The following ANK2 variants were observed in gnomAD, a reference collection of about 807,000 sequenced individuals.
ANK2 encodes ankyrin-2.
Under a neutral mutation model 360.5 loss-of-function variants are expected in ANK2, and 83 were observed. That is an observed-to-expected ratio of 0.23 (90% CI 0.19 to 0.28). The LOEUF is 0.28. Ranked by LOEUF, ANK2 falls within the 10% of genes least tolerant of loss-of-function variation. The pLI is 1.00. For missense variants in ANK2, 4,201 were observed against 4,795.7 expected, an observed-to-expected ratio of 0.88 and a Z score of 3.66; for synonymous variants, 1,740 against 1,759.5, an observed-to-expected ratio of 0.99 and a Z score of 0.28.
chr4:113,231,790 G>A (rs1229435747), intron 4 of ANK2, among the ~76,000 whole-genome samples: 1 of 151,852 alleles, frequency 6.6e-6, no homozygotes, highest in Non-Finnish European at 1.5e-5. Flanking sequence ...TTTTAGTAGA[G>A]ATGCGGTTTC....
chr4:113,362,726 C>G (rs1288935784), intron 39 of ANK2, among the ~76,000 whole-genome samples: 1 of 152,306 alleles, frequency 6.6e-6, no homozygotes, highest in East Asian at 1.9e-4. Context: ...TCTAGGATTA[C>G]AGGCATGAGC....
At chr4:113,261,479 G>A (rs1458167432) in intron 13 of ANK2, among the ~76,000 whole-genome samples, 2 of 152,006 alleles carry the variant, frequency 1.3e-5, no homozygotes, top group African/African-American at 2.4e-5. Context: ...AGAAAGACAA[G>A]GCTATTAAAT....
chr4:113,154,414 G>A (rs1314067890), intron 1 of ANK2, among the ~76,000 whole-genome samples: 2 of 152,160 alleles, frequency 1.3e-5, no homozygotes, highest in Non-Finnish European at 2.9e-5. Flanking sequence ...TGAGCAGTCA[G>A]CTTGAACAGC....
At chr4:113,210,816 T>C (rs1373074952) in intron 4 of ANK2, among the ~76,000 whole-genome samples, 1 of 152,236 alleles carries the variant, frequency 6.6e-6, no homozygotes. Flanking sequence ...AAGGCTATTA[T>C]ACTACCTTTG....
At chr4:113,063,250 T>C (rs2074279749) in intron 1 of ANK2, among the ~76,000 whole-genome samples, 1 of 152,146 alleles carries the variant, frequency 6.6e-6, no homozygotes. Flanking sequence ...CATTTGGTTA[T>C]CATTTATTAA....
intron 15 of ANK2, 144 bp from the exon 16 acceptor site, chr4:113,277,693 T>C (rs1004794928): frequency 3.0e-6 from 2 of 670,388 alleles, no homozygotes; most frequent in Non-Finnish European, 5.3e-6. Flanking sequence ...TTTGTCCTTG[T>C]TCATGGCTAA....
chr4:113,268,101 G>A (rs865918020), intron 14 of ANK2, among the ~76,000 whole-genome samples: 1 of 152,118 alleles, frequency 6.6e-6, no homozygotes, highest in African/African-American at 2.4e-5. Flanking sequence ...CCTGGATGTT[G>A]TATCCTGAGA....
chr4:113,031,959 A>G (rs755785496), intron 2 of ANK2, among the ~76,000 whole-genome samples: 14 of 152,024 alleles, frequency 9.2e-5, no homozygotes, highest in Admixed American at 3.9e-4. Context: ...TCAGGTAATC[A>G]TAATTAGATG....
chr4:112,872,428 C>T (rs917064490), intron 1 of ANK2, among the ~76,000 whole-genome samples: 1 of 152,006 alleles, frequency 6.6e-6, no homozygotes, highest in African/African-American at 2.4e-5. Flanking sequence ...GCCTCTGCCT[C>T]CTGGGTTCAA....
At chr4:113,118,165 A>C (rs975792978) in intron 1 of ANK2, among the ~76,000 whole-genome samples, 3 of 152,192 alleles carry the variant, frequency 2.0e-5, no homozygotes, top group Non-Finnish European at 4.4e-5. Flanking sequence ...ATAATCTTAC[A>C]ACTTGATGGA....
At chr4:112,774,153 G>C in the ANK2 span, among the ~76,000 whole-genome samples, 4 of 151,874 alleles carry the variant, frequency 2.6e-5, no homozygotes, top group Non-Finnish European at 4.4e-5. Context: ...TGTGGTAAGT[G>C]GTGTAAGAGA....
chr4:113,154,985 A>G (rs2097227590), intron 1 of ANK2, among the ~76,000 whole-genome samples: 1 of 152,234 alleles, frequency 6.6e-6, no homozygotes, highest in South Asian at 2.1e-4. Flanking sequence ...ACCCAGGATC[A>G]CAAGATAACT....
the ANK2 span, among the ~76,000 whole-genome samples, chr4:112,791,476 C>CTTTTTTTTT: frequency 2.0e-5 from 2 of 98,274 alleles, no homozygotes; most frequent in Non-Finnish European, 3.8e-5. Context: ...TCTTCTTCTT[C>CTTTTTTTTT]TTCTTTTTTT....
chr4:112,864,457 C>G (rs2069431379), intron 1 of ANK2, among the ~76,000 whole-genome samples: 1 of 151,952 alleles, frequency 6.6e-6, no homozygotes, highest in Non-Finnish European at 1.5e-5. Flanking sequence ...TTACAGGCGT[C>G]TGCCAACATG....
intron 1 of ANK2, chr4:113,106,808 TTGACTC>T: frequency 2.2e-6 from 1 of 455,308 alleles, no homozygotes; most frequent in Non-Finnish European, 4.4e-6. Context: ...GACAGATTGG[TTGACTC>T]TGTACTCTTT....
chr4:112,863,514 CTTTT>C (rs952398354), intron 1 of ANK2, among the ~76,000 whole-genome samples: 64 of 107,014 alleles, frequency 6.0e-4, no homozygotes, highest in African/African-American at 1.9e-3. Flanking sequence ...TTTAGAGTAT[CTTTT>C]TTTTTTTTTT....
intron 4 of ANK2, among the ~76,000 whole-genome samples, chr4:113,223,429 T>G (rs932903652): frequency 6.6e-6 from 1 of 152,190 alleles, no homozygotes; most frequent in African/African-American, 2.4e-5. Flanking sequence ...CTGTTGGACT[T>G]GGTTATGTAA....
intron 2 of ANK2, among the ~76,000 whole-genome samples, chr4:112,994,094 G>T (rs1433401002): frequency 6.6e-6 from 1 of 152,200 alleles, no homozygotes; most frequent in Non-Finnish European, 1.5e-5. Flanking sequence ...TAGCAAGCAG[G>T]TTTGGATGCT....
At chr4:112,825,846 A>T (rs1194338476) in intron 1 of ANK2, among the ~76,000 whole-genome samples, 1 of 152,218 alleles carries the variant, frequency 6.6e-6, no homozygotes, top group African/African-American at 2.4e-5. Flanking sequence ...TGGGGGACTT[A>T]GCTAGACCTG....
Sources: gnomAD v4.1 joint callset for allele counts (sites outside exome capture counted in the v4.1 genomes callset) on GRCh38, gnomAD v4.1.1 for gene constraint, MANE v1.5 for transcripts, NCBI Gene and HGNC (gene_info 2026-07-23, HGNC 2026-07-21) for gene names.